RAB38: variants seen among roughly 807,000 people sequenced by gnomAD.
RAB38 encodes the protein RAB38, member RAS oncogene family, also known as ras-related protein Rab-38.
RAB38 carries 15 observed loss-of-function variants against 18.4 expected under a neutral mutation model. The observed-to-expected ratio is 0.82, with a 90% CI of 0.55 to 1.26. RAB38 has a LOEUF of 1.26. Ranked by LOEUF, RAB38 falls within the 50% of genes most tolerant of loss-of-function variation. RAB38 has a pLI of 0.00. For missense variants in RAB38, 294 were observed against 267.4 expected (o/e 1.10, Z -0.69); for synonymous variants, 101 against 104.4 (o/e 0.97, Z 0.20).
At chr11:87,889,828 T>G in the RAB38 span, among the ~76,000 whole-genome samples, 27 of 151,924 alleles carry the variant, frequency 1.8e-4, no homozygotes, top group African/African-American at 5.8e-4. Context: ...GTGGTTTTTT[T>G]TTGTTGTTGT....
chr11:87,958,238 T>C, the RAB38 span, among the ~76,000 whole-genome samples: 1 of 152,210 alleles, frequency 6.6e-6, no homozygotes, highest in Non-Finnish European at 1.5e-5. Flanking sequence ...ATGTAAATGC[T>C]GTGAGCACAT....
intron 1 of RAB38, among the ~76,000 whole-genome samples, chr11:88,160,396 C>T (rs1565220248): frequency 6.6e-6 from 1 of 152,060 alleles, no homozygotes; most frequent in Non-Finnish European, 1.5e-5. Flanking sequence ...AAAATAAGTT[C>T]AGCCATCATG....
the RAB38 span, among the ~76,000 whole-genome samples, chr11:88,021,218 A>G: frequency 6.6e-6 from 1 of 152,192 alleles, no homozygotes; most frequent in East Asian, 1.9e-4. Flanking sequence ...AGAAAGAGAG[A>G]AGACCCAAAT....
chr11:87,871,569 AAAATAT>A, the RAB38 span, among the ~76,000 whole-genome samples: 2 of 151,576 alleles, frequency 1.3e-5, no homozygotes, highest in Non-Finnish European at 3.0e-5. Context: ...TAATTTTATA[AAAATAT>A]AAATATAGAA....
the RAB38 span, among the ~76,000 whole-genome samples, chr11:87,862,304 A>G: frequency 4.6e-5 from 7 of 152,052 alleles, no homozygotes; most frequent in Non-Finnish European, 8.8e-5. Flanking sequence ...TGTGGTACGT[A>G]TACACCATGG....
chr11:87,902,908 G>A, the RAB38 span, among the ~76,000 whole-genome samples: 24 of 150,490 alleles, frequency 1.6e-4, 1 homozygote, highest in Middle Eastern at 0.01. Context: ...TATATATAAT[G>A]CTTGTATCTT....
At chr11:88,043,408 A>G in the RAB38 span, among the ~76,000 whole-genome samples, 1 of 152,160 alleles carries the variant, frequency 6.6e-6, no homozygotes, top group Non-Finnish European at 1.5e-5. Context: ...TTAGAAGGTG[A>G]TTGTCAGACC....
At chr11:88,059,083 G>C in the RAB38 span, among the ~76,000 whole-genome samples, 3 of 152,146 alleles carry the variant, frequency 2.0e-5, no homozygotes, top group Non-Finnish European at 4.4e-5. Context: ...GTGACCTTGG[G>C]AAAATCACTT....
chr11:87,860,223 AT>A, the RAB38 span, among the ~76,000 whole-genome samples: 1 of 152,052 alleles, frequency 6.6e-6, no homozygotes, highest in African/African-American at 2.4e-5. Flanking sequence ...AATAAGAGCA[AT>A]ACTAAATATG....
At chr11:88,043,602 A>ACCCCCCCCCCCCCC in the RAB38 span, among the ~76,000 whole-genome samples, 5 of 114,404 alleles carry the variant, frequency 4.4e-5, no homozygotes, top group Non-Finnish European at 6.9e-5. Context: ...GCACCTTGTG[A>ACCCCCCCCCCCCCC]CCCCCCCACC....
the RAB38 span, among the ~76,000 whole-genome samples, chr11:87,935,347 T>C: frequency 1.3e-5 from 2 of 151,986 alleles, no homozygotes; most frequent in Non-Finnish European, 2.9e-5. Flanking sequence ...TCTCCTGGGA[T>C]TCCCCTAATG....
At chr11:87,882,502 T>C in the RAB38 span, among the ~76,000 whole-genome samples, 2 of 151,910 alleles carry the variant, frequency 1.3e-5, no homozygotes, top group Non-Finnish European at 2.9e-5. Context: ...ACCACTCTAG[T>C]AGGTAATGTA....
chr11:87,973,237 G>A, the RAB38 span, among the ~76,000 whole-genome samples: 1 of 152,014 alleles, frequency 6.6e-6, no homozygotes, highest in Non-Finnish European at 1.5e-5. Context: ...TACCTCCACA[G>A]AAGTAAGAGA....
At chr11:88,015,024 A>G in the RAB38 span, among the ~76,000 whole-genome samples, 1 of 149,964 alleles carries the variant, frequency 6.7e-6, no homozygotes, top group African/African-American at 2.5e-5. Flanking sequence ...CCTTAAAATC[A>G]AAGTACCAAA....
the RAB38 span, among the ~76,000 whole-genome samples, chr11:87,825,059 T>A: frequency 3.6e-4 from 55 of 152,046 alleles, no homozygotes; most frequent in African/African-American, 1.2e-3. Flanking sequence ...AAGAATAGCA[T>A]CGAACTTCCC....
At chr11:87,916,787 T>C in the RAB38 span, among the ~76,000 whole-genome samples, 1 of 152,172 alleles carries the variant, frequency 6.6e-6, no homozygotes, top group Non-Finnish European at 1.5e-5. Flanking sequence ...TTTGTTGTTG[T>C]TTTCAAAATC....
the RAB38 span, among the ~76,000 whole-genome samples, chr11:87,960,604 G>A: frequency 6.6e-6 from 1 of 151,984 alleles, no homozygotes; most frequent in African/African-American, 2.4e-5. Flanking sequence ...AGGAAACTGA[G>A]GTTACTTTCT....
chr11:87,830,265 A>C, the RAB38 span, among the ~76,000 whole-genome samples: 2 of 152,188 alleles, frequency 1.3e-5, no homozygotes, highest in Admixed American at 6.5e-5. Flanking sequence ...GGATCTCTTG[A>C]GCTCAGGAGT....
the RAB38 span, among the ~76,000 whole-genome samples, chr11:88,094,003 C>T: frequency 6.6e-6 from 1 of 151,792 alleles, no homozygotes; most frequent in Non-Finnish European, 1.5e-5. Flanking sequence ...GCTTCCATGG[C>T]TAGTGGGTCA....
Sources: allele counts gnomAD v4.1 joint callset (sites outside exome capture counted in the v4.1 genomes callset), GRCh38; gene constraint gnomAD v4.1.1; transcripts MANE v1.5; gene names NCBI Gene and HGNC (gene_info 2026-07-23, HGNC 2026-07-21).